PARD3B: variants seen among roughly 807,000 people sequenced by gnomAD.
PARD3B encodes partitioning defective 3 homolog B.
A neutral mutation model predicts 130.2 loss-of-function variants in PARD3B; 103 were observed. The ratio of observed to expected loss-of-function variants is 0.79; its 90% CI spans 0.67 to 0.93. PARD3B has a LOEUF of 0.93. Among genes scored for constraint, PARD3B ranks in the 40% least tolerant of loss-of-function variants. PARD3B has a pLI of 0.00. For synonymous variants in PARD3B, 583 were observed against 553.2 expected (o/e 1.05, Z -0.76); for missense variants, 1,609 against 1,499.2 (o/e 1.07, Z -1.21).
At chr2:204,609,856 T>C (rs1173513014) in intron 1 of PARD3B, among the ~76,000 whole-genome samples, 1 of 152,184 alleles carries the variant, frequency 6.6e-6, no homozygotes, top group Non-Finnish European at 1.5e-5. Context: ...GACCTGGCTG[T>C]ATTAGCAGAC....
chr2:205,494,324 A>G (rs983521676), intron 20 of PARD3B, among the ~76,000 whole-genome samples: 3 of 152,202 alleles, frequency 2.0e-5, no homozygotes, highest in Non-Finnish European at 4.4e-5. Flanking sequence ...CACAGTGGCC[A>G]GGGTTTGGTG....
At chr2:205,282,705 T>C (rs2041237250) in intron 16 of PARD3B, among the ~76,000 whole-genome samples, 1 of 152,062 alleles carries the variant, frequency 6.6e-6, no homozygotes, top group African/African-American at 2.4e-5. Context: ...TAGATATAGG[T>C]CCCACACTGC....
chr2:205,013,851 A>G (rs1320137716), intron 3 of PARD3B, among the ~76,000 whole-genome samples: 1 of 152,174 alleles, frequency 6.6e-6, no homozygotes, highest in East Asian at 1.9e-4. Flanking sequence ...CTACTATCTC[A>G]GTGGCAATTC....
chr2:205,336,431 G>A (rs849219), intron 18 of PARD3B, among the ~76,000 whole-genome samples: 1 of 152,190 alleles, frequency 6.6e-6, no homozygotes, highest in African/African-American at 2.4e-5. Context: ...ACATTTATGC[G>A]ACTTGGCTTG....
At chr2:205,484,158 C>A (rs2049349538) in intron 20 of PARD3B, among the ~76,000 whole-genome samples, 1 of 152,176 alleles carries the variant, frequency 6.6e-6, no homozygotes, top group African/African-American at 2.4e-5. Flanking sequence ...TTGGATATGT[C>A]AGTACTCATT....
chr2:204,681,103 A>G (rs1365007850), intron 1 of PARD3B, among the ~76,000 whole-genome samples: 1 of 152,134 alleles, frequency 6.6e-6, no homozygotes, highest in Non-Finnish European at 1.5e-5. Flanking sequence ...AAGTTATATT[A>G]TTGGGTACGT....
Position 204,912,896 on chromosome 2 carries a change from A to G in PARD3B, c.223-52256A>G, listed in dbSNP as rs58706656. On this transcript the variant is annotated intron_variant, in intron 2 of 22. Coordinates refer to ENST00000406610, the MANE Select transcript of PARD3B (RefSeq NM_001302769.2). Reference sequence around the variant, plus strand: ...CTGTGTTCAACTGGCTAATCTGAATACTAACCATAACAAATAGATGTTTGG... The same window carrying G: ...CTGTGTTCAACTGGCTAATCTGAATGCTAACCATAACAAATAGATGTTTGG... 5.6e-3 allele frequency among the ~76,000 whole-genome samples: 852 copies of G among 152,336 alleles called. 9 individuals are homozygous for G. Among genetic ancestry groups the G allele is most frequent in the African/African-American group, 0.019 (773 of 41,578 alleles).
Position 205,166,873 on chromosome 2 carries a change from G to A in PARD3B, c.1621-5338G>A, listed in dbSNP as rs1054491277. Among the ~76,000 whole-genome samples the A allele has an allele frequency of 6.6e-5, 10 of 152,208 alleles. No individual in the cohort carries two copies. In the East Asian group the frequency reaches 9.7e-4, roughly 15 times the overall value. On this transcript the variant is annotated intron_variant, in intron 11 of 22. Transcript: ENST00000406610. ...GGAGTTGATAATATCCCAGGAGGCCGTACCAAGGGCCCCGTTAGAAGCATG... is the reference window on the plus strand; with the variant it reads ...GGAGTTGATAATATCCCAGGAGGCCATACCAAGGGCCCCGTTAGAAGCATG...
At chr2:204,774,482 A>C (rs1156386647) in intron 2 of PARD3B, among the ~76,000 whole-genome samples, 3 of 152,088 alleles carry the variant, frequency 2.0e-5, no homozygotes, top group Admixed American at 1.3e-4. Flanking sequence ...TGGACTCAGC[A>C]AATGCTGGTT....
chr2:205,260,919 C>A (rs1226530854), intron 16 of PARD3B, among the ~76,000 whole-genome samples: 1 of 152,112 alleles, frequency 6.6e-6, no homozygotes, highest in Non-Finnish European at 1.5e-5. Flanking sequence ...CTTTGACTCC[C>A]AGATCCTCCA....
At chr2:204,964,035 A>G (rs1690984772) in intron 2 of PARD3B, among the ~76,000 whole-genome samples, 1 of 152,216 alleles carries the variant, frequency 6.6e-6, no homozygotes, top group Admixed American at 6.5e-5. Context: ...TATTAATAAT[A>G]TTGCCAACAG....
chr2:204,978,380 T>C (rs1259902838), intron 3 of PARD3B, among the ~76,000 whole-genome samples: 1 of 152,236 alleles, frequency 6.6e-6, no homozygotes, highest in African/African-American at 2.4e-5. Context: ...AATGCAGTTT[T>C]TCCCTCAAGG....
At chr2:205,330,272 C>T (rs908917622) in intron 18 of PARD3B, among the ~76,000 whole-genome samples, 2 of 152,034 alleles carry the variant, frequency 1.3e-5, no homozygotes, top group African/African-American at 2.4e-5. Flanking sequence ...ACCTAGAAGG[C>T]GGAGGTTGCA....
intron 14 of PARD3B, among the ~76,000 whole-genome samples, chr2:205,188,878 C>T (rs1200259055): frequency 1.3e-5 from 2 of 150,750 alleles, no homozygotes; most frequent in East Asian, 1.9e-4. Flanking sequence ...ACTGCTATGG[C>T]GTGAGGAAAG....
chr2:205,252,939 G>A (rs1377385551), intron 16 of PARD3B, among the ~76,000 whole-genome samples: 1 of 150,490 alleles, frequency 6.6e-6, no homozygotes, highest in Non-Finnish European at 1.5e-5. Flanking sequence ...AATGGAAGGG[G>A]AAAGAAAAGT....
rs866186988 is a variant in PARD3B, at chr2:205,148,127, A to G, written c.1435-10595A>G. The stretch of plus-strand genomic sequence containing the variant: ...TATAGTCCATATTGTCTATCTATCT[A>G]TATATTCTATTTTCTATCTATAGTC... On this transcript the variant is annotated intron_variant, in intron 10 of 22. Transcript: ENST00000406610. Among the ~76,000 whole-genome samples, 6 of 152,152 alleles carry G rather than the reference A, an allele frequency of 3.9e-5. No homozygotes were observed. The Middle Eastern group carries it at 0.01, about 259-fold the overall frequency.
intron 20 of PARD3B, among the ~76,000 whole-genome samples, chr2:205,494,312 C>T (rs1410726841): frequency 6.6e-6 from 1 of 152,142 alleles, no homozygotes. Flanking sequence ...ATTCCCAGGT[C>T]CCACAGTGGC....
chr2:205,339,193 TAA>T (rs546233590), intron 18 of PARD3B, among the ~76,000 whole-genome samples: 238 of 152,318 alleles, frequency 1.6e-3, no homozygotes, highest in African/African-American at 5.5e-3. Context: ...AGAAATATCT[TAA>T]GTCAAATATT....
In PARD3B at chr2:205,449,520, C is replaced by T. The variant is rs188132317; in HGVS notation, c.3044+8848C>T. ...CGCTGGGATTACAGGCATAAGCCAC[C>T]GCGCCTGGCCCCCTTTATTTTTCCT... On this transcript the variant is annotated intron_variant, in intron 20 of 22. Transcript: ENST00000406610. Among the ~76,000 whole-genome samples, 505 of 152,218 alleles carry T rather than the reference C, an allele frequency of 3.3e-3. 1 individual carries two copies. Among genetic ancestry groups the T allele is most frequent in the Non-Finnish European group, 5.6e-3 (383 of 68,022 alleles).
Sources: gnomAD v4.1 joint callset for allele counts (sites outside exome capture counted in the v4.1 genomes callset) on GRCh38, gnomAD v4.1.1 for gene constraint, MANE v1.5 for transcripts, NCBI Gene and HGNC (gene_info 2026-07-23, HGNC 2026-07-21) for gene names.